Variants in PRKCD observed in about 807,000 individuals in gnomAD.
The protein encoded by PRKCD is protein kinase C delta type.
A neutral mutation model predicts 82.2 loss-of-function variants in PRKCD; 20 were observed. The observed-to-expected ratio is 0.24, with a 90% confidence interval of 0.17 to 0.35. PRKCD has a LOEUF of 0.35. Ranked by LOEUF, PRKCD falls within the 10% of genes least tolerant of loss-of-function variation. PRKCD has a pLI of 1.00. For synonymous variants in PRKCD, 317 were observed against 337.0 expected, an observed-to-expected ratio of 0.94 and a Z score of 0.65; for missense variants, 607 against 899.0, an observed-to-expected ratio of 0.68 and a Z score of 4.15.
chr3:53,172,868 C>A (rs542513339), intron 2 of PRKCD, among the ~76,000 whole-genome samples: 1 of 152,238 alleles, frequency 6.6e-6, no homozygotes, highest in Non-Finnish European at 1.5e-5. Flanking sequence ...CTCTGACCAA[C>A]AGGCATCATT....
At chr3:53,184,531 C>T (rs770165750) in intron 9 of PRKCD, among the ~76,000 whole-genome samples, 14 of 151,846 alleles carry the variant, frequency 9.2e-5, no homozygotes, top group African/African-American at 2.7e-4. Flanking sequence ...CAAAATTAGC[C>T]GGATATGGTG....
At chr3:53,182,819 G>A (rs1387024760) in intron 7 of PRKCD, among the ~76,000 whole-genome samples, 4 of 152,156 alleles carry the variant, frequency 2.6e-5, no homozygotes, top group African/African-American at 4.8e-5. Context: ...AACTGCCCCC[G>A]CTTCTCATAT....
At chr3:53,181,954 G>C in intron 7 of PRKCD, 1 of 738,752 alleles carries the variant, frequency 1.4e-6, no homozygotes, top group Non-Finnish European at 2.4e-6. Context: ...ATTCAGTGAC[G>C]GGGAGTTGGT....
intron 2 of PRKCD, among the ~76,000 whole-genome samples, chr3:53,177,950 T>TTCTTTTTC (rs34431814): frequency 6.8e-6 from 1 of 147,036 alleles, no homozygotes; most frequent in Non-Finnish European, 1.5e-5. Context: ...CTTTTTCTTT[T>TTCTTTTTC]TTTTTTTTTT....
chr3:53,185,336 T>G (rs1436224215), intron 10 of PRKCD, among the ~76,000 whole-genome samples: 1 of 152,162 alleles, frequency 6.6e-6, no homozygotes, highest in African/African-American at 2.4e-5. Flanking sequence ...AATAGTCAAA[T>G]AAAATCTATC....
At chr3:53,183,017 G>T in intron 7 of PRKCD, 104 bp from the exon 8 acceptor site, 1 of 1,159,468 alleles carries the variant, frequency 8.6e-7, no homozygotes, top group South Asian at 1.3e-5. Context: ...TCAGGAGAAC[G>T]GTGGCTTTGT....
intron 2 of PRKCD, among the ~76,000 whole-genome samples, chr3:53,172,237 G>A (rs1181184132): frequency 1.3e-5 from 2 of 152,072 alleles, no homozygotes; most frequent in African/African-American, 4.8e-5. Flanking sequence ...CTCTTGCTGA[G>A]CCCACTTCCT....
intron 1 of PRKCD, among the ~76,000 whole-genome samples, chr3:53,163,144 G>A (rs1231020269): frequency 6.6e-6 from 1 of 152,068 alleles, no homozygotes; most frequent in African/African-American, 2.4e-5. Flanking sequence ...CTGGCTGATG[G>A]GTGGTGTGAG....
chr3:53,166,871 G>C (rs1702850686), intron 2 of PRKCD, among the ~76,000 whole-genome samples: 1 of 152,270 alleles, frequency 6.6e-6, no homozygotes, highest in Non-Finnish European at 1.5e-5. Context: ...TGGGAGATGG[G>C]AGGCATGAAT....
At chr3:53,167,980 T>C (rs1553664178) in intron 2 of PRKCD, among the ~76,000 whole-genome samples, 1 of 152,166 alleles carries the variant, frequency 6.6e-6, no homozygotes, top group Non-Finnish European at 1.5e-5. Context: ...TCACTCCCTT[T>C]CAAAGGGAGA....
intron 7 of PRKCD, among the ~76,000 whole-genome samples, chr3:53,182,465 T>TA (rs1703482994): frequency 6.6e-6 from 1 of 152,090 alleles, no homozygotes; most frequent in South Asian, 2.1e-4. Flanking sequence ...ATAGGGGCTT[T>TA]GTCATGTTGG....
intron 3 of PRKCD, 27 bp downstream of exon 3, chr3:53,178,564 A>C (rs1703303762): frequency 6.3e-7 from 1 of 1,586,674 alleles, no homozygotes; most frequent in African/African-American, 1.3e-5. Context: ...GACCCTGGAG[A>C]GGGGCTGGGA....
Position 53,179,671 on chromosome 3 carries a change from G to T in PRKCD, c.210G>T (p.Gln70His). 1 of 1,613,582 alleles carries T rather than the reference G, an allele frequency of 6.2e-7. No individual in the cohort carries two copies. Among genetic ancestry groups the T allele is most frequent in the Non-Finnish European group, 8.5e-7 (1 of 1,179,714 alleles). Reference sequence around the variant, plus strand: ...ACATCTATGAGGGGCGCGTCATCCAGATTGTGCTAATGCGGGCAGCAGAGG... The same window carrying T: ...ACATCTATGAGGGGCGCGTCATCCATATTGTGCTAATGCGGGCAGCAGAGG... ...DAHIYEGRVI[Q>H]IVLMRAAEEP... The change falls in exon 4 of 19, where the codon CAG becomes CAT. Residue 70 changes from glutamine to histidine, a missense_variant. Around this residue, in one of 5 missense-constraint regions of PRKCD, gnomAD observed 161 missense variants for 227.0 expected, o/e 0.71. Transcript: ENST00000330452.
At chr3:53,167,600 A>C (rs1461354309) in intron 2 of PRKCD, among the ~76,000 whole-genome samples, 2 of 152,266 alleles carry the variant, frequency 1.3e-5, no homozygotes, top group Non-Finnish European at 2.9e-5. Flanking sequence ...GGTTGTGCGG[A>C]AATGACAGAT....
At chr3:53,179,854 GCA>G in intron 4 of PRKCD, 78 bp downstream of exon 4, 1 of 1,513,300 alleles carries the variant, frequency 6.6e-7, no homozygotes, top group African/African-American at 1.4e-5. Context: ...GTGTGTGCGT[GCA>G]CACACGCGGG....
At chr3:53,185,860 A>G in intron 11 of PRKCD, 67 bp from the exon 12 acceptor site, 1 of 1,568,496 alleles carries the variant, frequency 6.4e-7, no homozygotes, top group Non-Finnish European at 8.8e-7. Context: ...AGCCTACCCC[A>G]GGCCCCGGGG....
At chr3:53,174,183 G>A (rs1405400584) in intron 2 of PRKCD, among the ~76,000 whole-genome samples, 2 of 152,218 alleles carry the variant, frequency 1.3e-5, no homozygotes, top group East Asian at 1.9e-4. Context: ...CGACATTGTC[G>A]GCCTCAGAAA....
chr3:53,171,311 G>A (rs1553664882), intron 2 of PRKCD, among the ~76,000 whole-genome samples: 1 of 152,186 alleles, frequency 6.6e-6, no homozygotes, highest in Non-Finnish European at 1.5e-5. Context: ...TCCCTCCAAG[G>A]AGGCCCTACC....
chr3:53,182,273 A>AT lies in PRKCD; in HGVS notation c.571+554dup, dbSNP rs35139478. ...CTGTGCCTCAGTTTCCTCATCTATA[A>AT]TTTTTTTTTTTTTGAGACTGAGTCT... On this transcript the variant is annotated intron_variant, in intron 7 of 18. Transcript: ENST00000330452. 2.2e-3 allele frequency among the ~76,000 whole-genome samples: 323 copies of AT among 147,660 alleles called. 1 individual carries two copies. Among genetic ancestry groups the AT allele is most frequent in the African/African-American group, 4.1e-3 (165 of 40,454 alleles).
Sources: allele counts gnomAD v4.1 joint callset (sites outside exome capture counted in the v4.1 genomes callset), GRCh38; gene constraint gnomAD v4.1.1; regional missense constraint gnomAD v4.1.1; transcripts MANE v1.5; gene names NCBI Gene and HGNC (gene_info 2026-07-23, HGNC 2026-07-21).